Variants in STXBP4 observed in about 807,000 individuals in gnomAD.
STXBP4 encodes syntaxin-binding protein 4.
In STXBP4, 55 loss-of-function variants were observed where a neutral mutation model predicts 76.1. The observed-to-expected ratio is 0.72, with a 90% CI of 0.58 to 0.91. The LOEUF is 0.91. Among genes scored for constraint, STXBP4 ranks in the 40% least tolerant of loss-of-function variants. The probability of loss-of-function intolerance (pLI) is 0.00; values close to 1 mark genes in which losing one functional copy is unlikely to be tolerated. For missense variants in STXBP4, 618 were observed against 636.9 expected (o/e 0.97, Z 0.32); for synonymous variants, 201 against 220.2 (o/e 0.91, Z 0.77).
chr17:55,112,068 A>T (rs536913514), intron 16 of STXBP4, among the ~76,000 whole-genome samples: 2 of 147,526 alleles, frequency 1.4e-5, no homozygotes, highest in African/African-American at 5.1e-5. Context: ...GGTGCACAAC[A>T]CCACACCCAG....
chr17:55,049,760 A>AT (rs1483912727), intron 12 of STXBP4, among the ~76,000 whole-genome samples: 2 of 152,000 alleles, frequency 1.3e-5, no homozygotes, highest in African/African-American at 4.8e-5. Flanking sequence ...CAACTCACCT[A>AT]TTTTTTAAAA....
At chr17:55,116,958 A>G (rs1390754342) in intron 16 of STXBP4, among the ~76,000 whole-genome samples, 1 of 151,870 alleles carries the variant, frequency 6.6e-6, no homozygotes, top group Non-Finnish European at 1.5e-5. Flanking sequence ...AAAAACAAGT[A>G]CATAGTGCTA....
intron 16 of STXBP4, among the ~76,000 whole-genome samples, chr17:55,109,008 T>C (rs539838501): frequency 2.0e-5 from 3 of 152,302 alleles, no homozygotes; most frequent in Admixed American, 6.5e-5. Context: ...CATCCCCCAT[T>C]GCTTTTACTG....
At chr17:55,084,303 C>T (rs2079295280) in intron 16 of STXBP4, among the ~76,000 whole-genome samples, 1 of 152,122 alleles carries the variant, frequency 6.6e-6, no homozygotes, top group South Asian at 2.1e-4. Flanking sequence ...CTGTTCATGT[C>T]CTTTGCCCAC....
chr17:55,193,115 A>C, the STXBP4 span, among the ~76,000 whole-genome samples: 2 of 152,178 alleles, frequency 1.3e-5, no homozygotes, highest in African/African-American at 2.4e-5. Context: ...TTCTGAGCTG[A>C]TATTTGCAGA....
At chr17:55,053,205 A>T (rs1032789230) in intron 12 of STXBP4, among the ~76,000 whole-genome samples, 10 of 151,974 alleles carry the variant, frequency 6.6e-5, no homozygotes, top group African/African-American at 2.4e-4. Flanking sequence ...TACTGTGGTT[A>T]TATAAAAGAA....
At chr17:55,099,010 G>A (rs1755422990) in intron 16 of STXBP4, among the ~76,000 whole-genome samples, 1 of 152,116 alleles carries the variant, frequency 6.6e-6, no homozygotes, top group South Asian at 2.1e-4. Context: ...ACAGATGAAT[G>A]TTGAATATAT....
At chr17:55,015,861 A>G (rs959711168) in intron 8 of STXBP4, among the ~76,000 whole-genome samples, 1 of 152,218 alleles carries the variant, frequency 6.6e-6, no homozygotes, top group African/African-American at 2.4e-5. Flanking sequence ...AAGTTTGTAC[A>G]TATGGCACTT....
chr17:54,978,437 C>T (rs1028203962), intron 1 of STXBP4, among the ~76,000 whole-genome samples: 18 of 152,058 alleles, frequency 1.2e-4, no homozygotes, highest in Non-Finnish European at 4.4e-5. Flanking sequence ...ATTTCTACTG[C>T]CTGTCAATTT....
chr17:55,125,479 CAAAAA>C lies in STXBP4; in HGVS notation c.1490-15814_1490-15810del, dbSNP rs10632680. On this transcript the variant is annotated intron_variant, in intron 16 of 17. Coordinates refer to ENST00000376352, the MANE Select transcript of STXBP4 (RefSeq NM_178509.6). Reference sequence around the variant, plus strand: ...CCTATTGTAAACCCTGGACAAAATACAAAAAAAAAAAAAAAAAAAAATACAATTGA... The same window carrying C: ...CCTATTGTAAACCCTGGACAAAATACAAAAAAAAAAAAAAAATACAATTGA... 2.4e-3 allele frequency among the ~76,000 whole-genome samples: 220 copies of C among 91,768 alleles called. No homozygotes were observed. In the Middle Eastern group the frequency reaches 0.024, roughly 10 times the overall value. 60.2% of individuals were successfully genotyped at this position (91,768 alleles called of 152,430 possible). A position where few individuals can be genotyped will look rare whatever the true frequency, so the allele number is the denominator to read the frequency against.
intron 12 of STXBP4, among the ~76,000 whole-genome samples, chr17:55,051,212 G>GA (rs2078854407): frequency 6.6e-6 from 1 of 151,890 alleles, no homozygotes; most frequent in Non-Finnish European, 1.5e-5. Flanking sequence ...CTACTCATTC[G>GA]AAAAATATAT....
chr17:54,984,514 T>A (rs2077598307), intron 1 of STXBP4, among the ~76,000 whole-genome samples: 1 of 151,806 alleles, frequency 6.6e-6, no homozygotes, highest in South Asian at 2.1e-4. Flanking sequence ...GCTAATTTTT[T>A]TTGTATTTTT....
the STXBP4 span, among the ~76,000 whole-genome samples, chr17:55,182,789 G>T: frequency 6.8e-6 from 1 of 146,900 alleles, no homozygotes; most frequent in Admixed American, 6.7e-5. Flanking sequence ...CCTACAAAGT[G>T]CTAAGGAAAA....
intron 1 of STXBP4, among the ~76,000 whole-genome samples, chr17:54,970,328 A>AAAGATATTGATTACCTTTG (rs1256953209): frequency 1.3e-5 from 2 of 152,214 alleles, no homozygotes; most frequent in Admixed American, 6.5e-5. Context: ...TTTGTGGAGA[A>AAAGATATTGATTACCTTTG]TGGATTAAAG....
At chr17:55,014,886 T>A (rs1385179724) in intron 8 of STXBP4, among the ~76,000 whole-genome samples, 2 of 152,084 alleles carry the variant, frequency 1.3e-5, no homozygotes, top group Non-Finnish European at 2.9e-5. Context: ...AAAGTCCGCT[T>A]GCCTGAGGGC....
chr17:55,191,431 T>C, the STXBP4 span, among the ~76,000 whole-genome samples: 4 of 152,166 alleles, frequency 2.6e-5, no homozygotes, highest in African/African-American at 9.7e-5. Flanking sequence ...GTTTCCCAGA[T>C]GAAATTTCTT....
intron 12 of STXBP4, among the ~76,000 whole-genome samples, chr17:55,052,916 C>CAT (rs71361752): frequency 1.0e-5 from 1 of 95,700 alleles, no homozygotes; most frequent in African/African-American, 4.1e-5. Context: ...ACGTGTATGA[C>CAT]GTGTGTGTGT....
At chr17:55,016,943 C>T (rs960291473) in intron 8 of STXBP4, among the ~76,000 whole-genome samples, 1 of 152,170 alleles carries the variant, frequency 6.6e-6, no homozygotes, top group African/African-American at 2.4e-5. Flanking sequence ...GTTGCCACTA[C>T]AGGCTGAATG....
In STXBP4 at chr17:54,978,568, G is replaced by T. The variant is rs185525318; in HGVS notation, c.-156-7046G>T. 2.6e-5 allele frequency among the ~76,000 whole-genome samples: 4 copies of T among 152,230 alleles called. No homozygotes were observed. The East Asian group carries it at 5.8e-4, about 22-fold the overall frequency. ...AACATTTGTTGATACCTTAGCAAAT[G>T]AAGATGAAAGAAGAAAATAACATAA... On this transcript the variant is annotated intron_variant, in intron 1 of 17. Coordinates refer to ENST00000376352, the MANE Select transcript of STXBP4 (RefSeq NM_178509.6).
Sources: allele counts gnomAD v4.1 joint callset (sites outside exome capture counted in the v4.1 genomes callset), GRCh38; gene constraint gnomAD v4.1.1; transcripts MANE v1.5; gene names NCBI Gene and HGNC (gene_info 2026-07-23, HGNC 2026-07-21).